The following ZAP70 variants were observed in gnomAD, a reference collection of about 807,000 sequenced individuals.
The protein encoded by ZAP70 is tyrosine-protein kinase ZAP-70.
A neutral mutation model predicts 65.8 loss-of-function variants in ZAP70; 27 were observed. The observed-to-expected ratio is 0.41, with a 90% CI of 0.30 to 0.57. The LOEUF (loss-of-function observed/expected upper bound fraction) is 0.57. Ranked by LOEUF, ZAP70 falls within the 20% of genes least tolerant of loss-of-function variation. ZAP70 has a pLI of 0.28. For synonymous variants in ZAP70, 363 were observed against 360.8 expected, an observed-to-expected ratio of 1.01 and a Z score of -0.07; for missense variants, 696 against 870.5, an observed-to-expected ratio of 0.80 and a Z score of 2.52.
downstream of ZAP70, among the ~76,000 whole-genome samples, chr2:97,743,283 A>T (rs1039245612): frequency 1.3e-5 from 2 of 152,154 alleles, no homozygotes; most frequent in African/African-American, 4.8e-5. Context: ...AACTTTTCAC[A>T]TATGAGCTCC....
chr2:97,747,010 G>C, the ZAP70 span, among the ~76,000 whole-genome samples: 1 of 152,032 alleles, frequency 6.6e-6, no homozygotes, highest in Non-Finnish European at 1.5e-5. Context: ...ATGCAAATGA[G>C]ATAGCACTTC....
At position 97,717,986 on chromosome 2, in the gene ZAP70, C is replaced by T. The variant is rs529346368; in HGVS notation, c.-22+3992C>T. Among the ~76,000 whole-genome samples the T allele has an allele frequency of 4.3e-4, 66 of 152,240 alleles. 1 individual carries two copies. Among genetic ancestry groups the T allele is most frequent in the African/African-American group, 1.2e-3 (50 of 41,538 alleles). On this transcript the variant is annotated intron_variant, in intron 2 of 13. Transcript: ENST00000264972. ...CTGCTGTGATCTCTGTGCTGTGATCCAGGGGCTGTAAGTTCTGGGAAGGCC... is the reference window on the plus strand; with the variant it reads ...CTGCTGTGATCTCTGTGCTGTGATCTAGGGGCTGTAAGTTCTGGGAAGGCC...
rs2104703094 is a variant in ZAP70 at position 97,737,523 on chromosome 2, T to C, written c.1340T>C (p.Met447Thr). 1.2e-6 allele frequency: 2 copies of C among 1,614,050 alleles called. No homozygotes were observed. The highest frequency in any genetic ancestry group is 1.7e-6 in the Non-Finnish European group (2 of 1,179,968). ...GCCGAGCTGCTGCACCAGGTGTCCA[T>C]GGGGATGAAGTACCTGGAGGAGAAG... is the stretch of plus-strand genomic sequence containing the variant. ...NVAELLHQVS[M>T]GMKYLEEKNF... is the part of the protein sequence containing the mutation. Residue 447 changes from methionine to threonine, a missense_variant, in exon 11 of 14, where the codon ATG becomes ACG. Transcript: ENST00000264972. The surrounding 1 kb of genome is among the most constrained non-coding windows in gnomAD (Gnocchi z 5.0).
At chr2:97,750,861 C>T in the ZAP70 span, among the ~76,000 whole-genome samples, 1 of 152,140 alleles carries the variant, frequency 6.6e-6, no homozygotes, top group Admixed American at 6.5e-5. Context: ...TTAGATTAGT[C>T]GGTTGGACTT....
chr2:97,734,439 C>T, intron 8 of ZAP70, 81 bp from the exon 9 acceptor site: 1 of 1,505,500 alleles, frequency 6.6e-7, no homozygotes, highest in Non-Finnish European at 8.9e-7. Flanking sequence ...TTGTCTGGGG[C>T]AGGTGCTTGT....
chr2:97,733,849 GTACC>G, intron 8 of ZAP70: 1 of 590,742 alleles, frequency 1.7e-6, no homozygotes, highest in Non-Finnish European at 3.0e-6. Context: ...CGTTTGTTGA[GTACC>G]TACTATGTGT....
At chr2:97,755,206 C>T in the ZAP70 span, among the ~76,000 whole-genome samples, 396 of 152,172 alleles carry the variant, frequency 2.6e-3, no homozygotes, top group African/African-American at 9.1e-3. Flanking sequence ...CCGAGACTCG[C>T]CTCGTGTCTG....
At chr2:97,730,751 C>A (rs1202108732) in intron 4 of ZAP70, among the ~76,000 whole-genome samples, 1 of 151,950 alleles carries the variant, frequency 6.6e-6, no homozygotes, top group Non-Finnish European at 1.5e-5. Flanking sequence ...ATTATTAGTT[C>A]TAGAAGAAAG....
the ZAP70 span, among the ~76,000 whole-genome samples, chr2:97,755,217 TGTGAACTCAACAGG>T: frequency 6.6e-6 from 1 of 151,904 alleles, no homozygotes; most frequent in African/African-American, 2.4e-5. Context: ...CTCGTGTCTG[TGTGAACTCAACAGG>T]GACCATGGAG....
the ZAP70 span, among the ~76,000 whole-genome samples, chr2:97,753,247 CCTAA>C: frequency 1.6e-4 from 25 of 152,100 alleles, no homozygotes; most frequent in Non-Finnish European, 2.9e-4. Context: ...CCCCTTTCCT[CCTAA>C]CTGTTGATCG....
intron 9 of ZAP70, 99 bp from the exon 10 acceptor site, chr2:97,735,151 A>G: frequency 1.4e-6 from 2 of 1,481,112 alleles, no homozygotes; most frequent in South Asian, 2.3e-5. Context: ...GTTGTCTACC[A>G]CACAACTCAA....
chr2:97,714,813 C>T (rs1676842714), intron 2 of ZAP70, among the ~76,000 whole-genome samples: 1 of 152,350 alleles, frequency 6.6e-6, no homozygotes, highest in Admixed American at 6.5e-5. Context: ...GAATCCAGAG[C>T]TTCCTTTTCC....
At chr2:97,755,046 G>C in the ZAP70 span, among the ~76,000 whole-genome samples, 1 of 152,142 alleles carries the variant, frequency 6.6e-6, no homozygotes, top group Non-Finnish European at 1.5e-5. Flanking sequence ...CACCTTCATG[G>C]GGATAGTTTT....
chr2:97,723,947 C>T (rs913702616), intron 2 of ZAP70, 69 bp from the exon 3 acceptor site: 7 of 1,509,524 alleles, frequency 4.6e-6, no homozygotes, highest in East Asian at 2.5e-5. Context: ...TCTCTCGCGC[C>T]GTCTTTGGGC....
downstream of ZAP70, among the ~76,000 whole-genome samples, chr2:97,741,126 C>T (rs1488793539): frequency 6.6e-6 from 1 of 152,134 alleles, no homozygotes. Flanking sequence ...GGAATACAAT[C>T]GATCTAGGAG....
chr2:97,724,192 C>A lies in ZAP70; in HGVS notation c.156C>A (p.His52Gln), dbSNP rs138447206. 5 of 1,598,322 alleles carry A rather than the reference C, an allele frequency of 3.1e-6. No individual in the cohort carries two copies. The Admixed American group carries it at 5.1e-5, about 16-fold the overall frequency. The change falls in exon 3 of 14, where the codon CAC (histidine) becomes CAA (glutamine). Residue 52 changes from histidine to glutamine, a missense_variant. By Grantham distance (24) the His-to-Gln change is conservative. This residue lies in a region of ZAP70 where 551 missense variants were observed against 630.0 expected (regional missense o/e 0.87). Coordinates refer to ENST00000264972, the MANE Select transcript of ZAP70 (RefSeq NM_001079.4). ...GCGGCTATGTGCTGTCGCTCGTGCA[C>A]GATGTGCGCTTCCACCACTTTCCCA... is the stretch of plus-strand genomic sequence containing the variant. ...SLGGYVLSLV[H>Q]DVRFHHFPIE...
intron 2 of ZAP70, among the ~76,000 whole-genome samples, chr2:97,722,314 TCA>T: frequency 6.7e-6 from 1 of 148,280 alleles, no homozygotes; most frequent in South Asian, 2.1e-4. Context: ...ACTGCTGGTC[TCA>T]AGTGATCCAC....
intron 2 of ZAP70, among the ~76,000 whole-genome samples, chr2:97,717,391 G>A (rs1676973973): frequency 6.8e-6 from 1 of 146,144 alleles, no homozygotes. Flanking sequence ...GCCTCTGGCT[G>A]GGGGGACATG....
chr2:97,733,379 T>G (rs1677700836), intron 7 of ZAP70, 36 bp downstream of exon 7: 1 of 1,589,648 alleles, frequency 6.3e-7, no homozygotes, highest in East Asian at 2.3e-5. Flanking sequence ...GCCTTGGGGA[T>G]GGAGCTGGGG....
Sources: allele counts gnomAD v4.1 joint callset (sites outside exome capture counted in the v4.1 genomes callset), GRCh38; gene constraint gnomAD v4.1.1; regional missense constraint gnomAD v4.1.1; non-coding constraint Gnocchi (gnomAD v3.1); transcripts MANE v1.5; gene names NCBI Gene and HGNC (gene_info 2026-07-23, HGNC 2026-07-21).